NXF3: variants seen among roughly 807,000 people sequenced by gnomAD.
NXF3 encodes nuclear RNA export factor 3.
NXF3 carries 34 observed loss-of-function variants against 48.4 expected under a neutral mutation model. That is an observed-to-expected ratio of 0.70 (90% confidence interval 0.53 to 0.93). NXF3 has a LOEUF of 0.93. Ranked by LOEUF, NXF3 falls within the 40% of genes least tolerant of loss-of-function variation. The pLI is 0.00. For missense variants in NXF3, 359 were observed against 406.1 expected (o/e 0.88, Z 1.00); for synonymous variants, 132 against 145.7 (o/e 0.91, Z 0.68).
intron 1 of NXF3, among the ~76,000 whole-genome samples, chrX:103,092,435 A>ATCT (rs1179045842): frequency 1.6e-4 from 18 of 112,901 alleles, no homozygotes; most frequent in Non-Finnish European, 3.2e-4. Flanking sequence ...ATACAAAGCA[A>ATCT]AAACTGATCT....
Position 103,080,108 on chromosome X carries a change from C to A in NXF3, c.996+40G>T, listed in dbSNP as rs201760441. The stretch of plus-strand genomic sequence containing the variant: ...CCCCAGGACCACAGATGGTACCCCC[C>A]CTTCCTCATGCACCACCCTGCTGGA... On this transcript the variant is annotated intron_variant, in intron 11 of 19. Coordinates refer to ENST00000395065, the MANE Select transcript of NXF3 (RefSeq NM_022052.2). 5.2e-5 allele frequency: 63 copies of A among 1,206,122 alleles called. No individual in the cohort carries two copies. The African/African-American group carries it at 6.9e-4, about 13-fold the overall frequency.
Position 103,084,991 on chromosome X carries a change from A to G in NXF3, c.29-108T>C, listed in dbSNP as rs1337272270. 11 of 760,941 alleles carry G rather than the reference A, an allele frequency of 1.4e-5. No individual in the cohort carries two copies. The East Asian group carries it at 3.3e-4, about 22-fold the overall frequency. The allele number at this position is 760,941 out of a possible 1,213,427, so 62.7% of individuals were successfully genotyped here. On this transcript the variant is annotated intron_variant, in intron 1 of 19. Transcript: ENST00000395065. ...TGATATTTATTTATTTAGAGTCAGG[A>G]TCTGGCTCTACTGCCCAGACTGTAG...
intron 1 of NXF3, chrX:103,088,679 C>T (rs372636529): frequency 5.4e-6 from 5 of 927,316 alleles, no homozygotes; most frequent in East Asian, 6.2e-5. Context: ...ACTAAAAAGA[C>T]ACTATTTAGT....
chrX:103,080,332 G>A, intron 10 of NXF3, 116 bp from the exon 11 acceptor site: 1 of 769,985 alleles, frequency 1.3e-6, no homozygotes, highest in South Asian at 2.5e-5. Flanking sequence ...AAGCGTTCTG[G>A]AAATTACGTG....
chrX:103,078,146 A>T (rs1019871549), intron 17 of NXF3, among the ~76,000 whole-genome samples: 5 of 111,458 alleles, frequency 4.5e-5, no homozygotes, highest in Non-Finnish European at 7.5e-5. Flanking sequence ...CATTTTAAAA[A>T]TTTTTTTCAA....
rs1037583099 is a variant in NXF3, at chrX:103,076,615, A to T, written c.1585-314T>A. 1.1e-4 allele frequency among the ~76,000 whole-genome samples: 12 copies of T among 111,078 alleles called. No homozygotes were observed. In the East Asian group the frequency reaches 2.3e-3, roughly 21 times the overall value. On this transcript the variant is annotated intron_variant, in intron 18 of 19. Transcript: ENST00000395065. ...AGATGGCTATAAGATGAAAAGCTACACGCCTCCCCCATATTTTGTCCGCAA... is the reference window on the plus strand; with the variant it reads ...AGATGGCTATAAGATGAAAAGCTACTCGCCTCCCCCATATTTTGTCCGCAA...
rs376666431 is a variant in NXF3, at chrX:103,080,609, G to A, written c.894C>T (p.Ser298=). 1.4e-5 allele frequency: 17 copies of A among 1,209,426 alleles called. No individual in the cohort carries two copies. The African/African-American group carries it at 2.4e-4, about 17-fold the overall frequency. Residue 298 remains serine (S), a synonymous_variant, in exon 10 of 20, where the codon TCC becomes TCT. Transcript: ENST00000395065. ...ATAATTTGGGGAACAATTCCAGGAT[G>A]GAGCTGCCGAAAATCAAAACAAAAT... ...TFSDTSSNIN[S]ILELFPKLLC...
chrX:103,079,172 G>C (rs1211810646), intron 16 of NXF3, 49 bp downstream of exon 16: 1 of 1,145,831 alleles, frequency 8.7e-7, no homozygotes, highest in Non-Finnish European at 1.2e-6. Flanking sequence ...GCCCAGCCAG[G>C]GGGAGGGAGG....
intron 18 of NXF3, 109 bp from the exon 19 acceptor site, chrX:103,076,410 G>T: frequency 1.2e-6 from 1 of 852,385 alleles, no homozygotes; most frequent in East Asian, 3.2e-5. Flanking sequence ...TGTGTTTTCT[G>T]GAATTTATTG....
chrX:103,075,951 G>A lies in NXF3; in HGVS notation c.*99C>T, dbSNP rs890915837. On this transcript the variant is annotated 3_prime_UTR_variant, in exon 20 of 20. Transcript: ENST00000395065. ...GAGTCAGCCCTGTGAGTTGGGCTTC[G>A]GCTTCTTAGCCCCAGCCAGATCTCC... The A allele has an allele frequency of 3.0e-5, 8 of 268,000 alleles. No homozygotes were observed. The highest frequency in any genetic ancestry group is 1.8e-4 in the East Asian group (3 of 16,478). The allele number at this position is 268,000 out of a possible 1,213,427, so 22.1% of individuals were successfully genotyped here.
chrX:103,088,477 A>C (rs1922206342), intron 1 of NXF3: 1 of 990,466 alleles, frequency 1.0e-6, no homozygotes, highest in Non-Finnish European at 1.4e-6. Flanking sequence ...TCCTTACTAC[A>C]GCAAACTTAT....
chrX:103,077,304 G>A (rs1569279084), intron 18 of NXF3, among the ~76,000 whole-genome samples: 2 of 102,140 alleles, frequency 2.0e-5, no homozygotes, highest in African/African-American at 7.2e-5. Context: ...AGGCTGGAGT[G>A]GAGTGGAGCA....
rs1229500381 is a variant in NXF3, at chrX:103,082,332, T to C, written c.813A>G (p.Lys271=). Reference sequence around the variant, plus strand: ...CACACTTCTCTCCTGGCTCTATCCCTTTCCACTTGTCCATCTCCCCTGCAG... The same window carrying C: ...CACACTTCTCTCCTGGCTCTATCCCCTTCCACTTGTCCATCTCCCCTGCAG... ...VMSAGEMDKW[K]GIEPGEKCAD... is the part of the protein sequence containing the mutation. The change falls in exon 9 of 20, where the codon AAA becomes AAG. Residue 271 remains lysine (K), a synonymous_variant. Transcript: ENST00000395065. The C allele has an allele frequency of 2.5e-6, 3 of 1,205,629 alleles. No individual in the cohort carries two copies. The highest frequency in any genetic ancestry group is 3.5e-5 in the African/African-American group (2 of 56,802).
At chrX:103,087,296 A>G (rs963876227) in intron 1 of NXF3, 8 of 1,193,046 alleles carry the variant, frequency 6.7e-6, no homozygotes, top group Non-Finnish European at 9.1e-6. Context: ...ATTTGCTTCA[A>G]GCACTTTGAA....
intron 18 of NXF3, among the ~76,000 whole-genome samples, chrX:103,077,407 C>G (rs1160413208): frequency 1.3e-4 from 14 of 110,319 alleles, no homozygotes; most frequent in Admixed American, 3.9e-4. Context: ...CCCGCCACCA[C>G]GCCCAGCTAA....
intron 10 of NXF3, 23 bp downstream of exon 10, chrX:103,080,553 C>T: frequency 8.3e-7 from 1 of 1,200,867 alleles, no homozygotes; most frequent in Non-Finnish European, 1.1e-6. Flanking sequence ...TTAGGAAAGT[C>T]AATGATCAAG....
intron 1 of NXF3, chrX:103,088,841 T>A: frequency 8.6e-7 from 1 of 1,163,304 alleles, no homozygotes; most frequent in Non-Finnish European, 1.2e-6. Flanking sequence ...ACAATCTTTC[T>A]AATCATCCAC....
At chrX:103,092,584 G>A (rs1000772894) in intron 1 of NXF3, among the ~76,000 whole-genome samples, 2 of 112,687 alleles carry the variant, frequency 1.8e-5, no homozygotes, top group Admixed American at 9.4e-5. Context: ...TTGCTTAAAT[G>A]ACATAGAACA....
At chrX:103,091,126 C>T (rs978461471) in intron 1 of NXF3, among the ~76,000 whole-genome samples, 1 of 111,611 alleles carries the variant, frequency 9.0e-6, no homozygotes, top group African/African-American at 3.3e-5. Context: ...CTCTTTTTCC[C>T]GACCTAAACA....
Sources: allele counts gnomAD v4.1 joint callset (sites outside exome capture counted in the v4.1 genomes callset), GRCh38; gene constraint gnomAD v4.1.1; transcripts MANE v1.5; gene names NCBI Gene and HGNC (gene_info 2026-07-23, HGNC 2026-07-21).